The following DENND11 variants were observed in gnomAD, a reference collection of about 807,000 sequenced individuals.
DENND11 encodes the protein DENN domain containing 11.
Under a neutral mutation model 49.2 loss-of-function variants are expected in DENND11, and 34 were observed. The ratio of observed to expected loss-of-function variants is 0.69; its 90% CI spans 0.53 to 0.92. The LOEUF (loss-of-function observed/expected upper bound fraction) is 0.92, where lower values mean the gene tolerates loss of function less well. Ranked by LOEUF, DENND11 falls within the 40% of genes least tolerant of loss-of-function variation. The pLI is 0.00. For missense variants in DENND11, 475 were observed against 581.6 expected (o/e 0.82, Z 1.88); for synonymous variants, 238 against 230.3 (o/e 1.03, Z -0.30).
intron 5 of DENND11, 102 bp from the exon 6 acceptor site, chr7:141,665,420 T>C (rs1562995085): frequency 6.8e-7 from 1 of 1,481,324 alleles, no homozygotes; most frequent in East Asian, 2.4e-5. Context: ...TATCTGGTGC[T>C]TCAGGATCCA....
chr7:141,658,174 A>C lies in DENND11; in HGVS notation c.*4482T>G, dbSNP rs1162829762. On this transcript the variant is annotated 3_prime_UTR_variant, in exon 9 of 9. Transcript: ENST00000536163. ...AATTTCCTTCCATTTCAGTATATGC[A>C]TACTCAGTTCATCACATAGTAATAT... 2 of 152,240 alleles carry C rather than the reference A, an allele frequency of 1.3e-5. No individual in the cohort carries two copies. Among genetic ancestry groups the C allele is most frequent in the Non-Finnish European group, 2.9e-5 (2 of 68,042 alleles). 9.4% of individuals were successfully genotyped at this position (152,240 alleles called of 1,614,324 possible).
chr7:141,676,938 T>C (rs888629411), intron 3 of DENND11, among the ~76,000 whole-genome samples: 2 of 152,212 alleles, frequency 1.3e-5, no homozygotes, highest in African/African-American at 2.4e-5. Flanking sequence ...CATAGGCTGC[T>C]GGGCCAGAGA....
chr7:141,664,837 G>C (rs1797862593), intron 7 of DENND11, 67 bp downstream of exon 7: 5 of 1,501,754 alleles, frequency 3.3e-6, no homozygotes, highest in Non-Finnish European at 4.5e-6. Context: ...AGGCTTTGCA[G>C]AGACCCCCAT....
chr7:141,689,373 G>A (rs1365258394), intron 1 of DENND11, among the ~76,000 whole-genome samples: 1 of 152,176 alleles, frequency 6.6e-6, no homozygotes, highest in African/African-American at 2.4e-5. Flanking sequence ...AACACAGCAT[G>A]TTCTCACTCA....
intron 1 of DENND11, among the ~76,000 whole-genome samples, chr7:141,689,386 AG>A (rs1262366025): frequency 2.0e-5 from 3 of 152,190 alleles, no homozygotes; most frequent in Non-Finnish European, 4.4e-5. Flanking sequence ...CTCACTCATA[AG>A]TGGGAGCTGA....
At chr7:141,691,787 T>C (rs889556460) in intron 1 of DENND11, among the ~76,000 whole-genome samples, 11 of 152,216 alleles carry the variant, frequency 7.2e-5, no homozygotes, top group Admixed American at 5.2e-4. Context: ...TCTCTACATA[T>C]GATAATCATG....
At chr7:141,669,814 T>TAAGTGCTGTCA (rs1219258139) in intron 4 of DENND11, among the ~76,000 whole-genome samples, 1 of 143,866 alleles carries the variant, frequency 7.0e-6, no homozygotes, top group African/African-American at 2.5e-5. Flanking sequence ...ATGCTATTTT[T>TAAGTGCTGTCA]TTTTTTTTTT....
At chr7:141,681,113 C>T (rs1225609432) in intron 3 of DENND11, among the ~76,000 whole-genome samples, 1 of 152,184 alleles carries the variant, frequency 6.6e-6, no homozygotes, top group Admixed American at 6.5e-5. Context: ...AGCAAAACAT[C>T]TGCTAAAACT....
chr7:141,674,617 T>C (rs1054548347), intron 3 of DENND11, among the ~76,000 whole-genome samples: 3 of 152,214 alleles, frequency 2.0e-5, no homozygotes, highest in Non-Finnish European at 4.4e-5. Flanking sequence ...ATTCCCTGCT[T>C]AAAGCCGCTC....
At chr7:141,672,165 C>T (rs553598892) in intron 4 of DENND11, among the ~76,000 whole-genome samples, 1 of 152,296 alleles carries the variant, frequency 6.6e-6, no homozygotes, top group East Asian at 1.9e-4. Flanking sequence ...GGGACCCCTC[C>T]TGCAGGCTCC....
intron 3 of DENND11, among the ~76,000 whole-genome samples, chr7:141,675,778 T>C (rs893470871): frequency 2.8e-4 from 42 of 152,362 alleles, no homozygotes; most frequent in African/African-American, 9.6e-4. Context: ...GACAAATTTA[T>C]ATTTTAAAAA....
intron 7 of DENND11, 64 bp downstream of exon 7, chr7:141,664,840 A>T: frequency 2.0e-6 from 3 of 1,506,340 alleles, no homozygotes; most frequent in Non-Finnish European, 2.7e-6. Flanking sequence ...CTTTGCAGAG[A>T]CCCCCATGCT....
At chr7:141,693,284 T>C (rs937598249) in intron 1 of DENND11, among the ~76,000 whole-genome samples, 1 of 152,188 alleles carries the variant, frequency 6.6e-6, no homozygotes, top group Admixed American at 6.5e-5. Context: ...CATTACGCAA[T>C]TGCAAATTAA....
At chr7:141,700,783 C>T (rs1798498170) in intron 1 of DENND11, among the ~76,000 whole-genome samples, 2 of 152,068 alleles carry the variant, frequency 1.3e-5, no homozygotes, top group African/African-American at 4.8e-5. Flanking sequence ...CCAAAATTAC[C>T]GGCCTGGAAC....
Position 141,674,124 on chromosome 7 carries a change from G to C in DENND11, c.624C>G (p.Ser208Arg), listed in dbSNP as rs774417847. The change falls in exon 4 of 9, where the codon AGC (serine) becomes AGG (arginine). Residue 208 changes from serine to arginine, a missense_variant. Transcript: ENST00000536163. Reference sequence around the variant, plus strand: ...AAGGCAGCCAGTAGACAGGGGGCAGGCTGCTGCCTCTGCCGGGACCAGCAT... The same window carrying C: ...AAGGCAGCCAGTAGACAGGGGGCAGCCTGCTGCCTCTGCCGGGACCAGCAT... ...VLHAGPGRGS[S>R]LPPVYWLPSI... 5 of 1,598,320 alleles carry C rather than the reference G, an allele frequency of 3.1e-6. No individual in the cohort carries two copies. The highest frequency in any genetic ancestry group is 4.3e-6 in the Non-Finnish European group (5 of 1,172,668).
chr7:141,685,754 A>T, intron 2 of DENND11, 118 bp from the exon 3 acceptor site: 13 of 1,148,382 alleles, frequency 1.1e-5, no homozygotes, highest in Non-Finnish European at 1.6e-5. Flanking sequence ...CAGCCTCAAG[A>T]AAACAAGCGG....
At position 141,700,953 on chromosome 7, in the gene DENND11, G is replaced by A. The variant is rs1046163075; in HGVS notation, c.268+933C>T. Reference sequence around the variant, plus strand: ...CCTGGAGACATTGACAGTCACACCTGGGTTTCCTTAAGCCCTGACACCACG... The same window carrying A: ...CCTGGAGACATTGACAGTCACACCTAGGTTTCCTTAAGCCCTGACACCACG... On this transcript the variant is annotated intron_variant, in intron 1 of 8. Coordinates refer to ENST00000536163, the MANE Select transcript of DENND11 (RefSeq NM_001080392.2). 2.6e-5 allele frequency among the ~76,000 whole-genome samples: 4 copies of A among 152,030 alleles called. No individual in the cohort carries two copies. In the East Asian group the frequency reaches 7.8e-4, roughly 30 times the overall value.
At chr7:141,699,609 CCCT>C (rs1381348535) in intron 1 of DENND11, among the ~76,000 whole-genome samples, 2 of 152,174 alleles carry the variant, frequency 1.3e-5, no homozygotes, top group Non-Finnish European at 2.9e-5. Flanking sequence ...CTCTCTTCCT[CCCT>C]CCTTTCTCCT....
chr7:141,677,199 G>A (rs967595167), intron 3 of DENND11, among the ~76,000 whole-genome samples: 1 of 151,984 alleles, frequency 6.6e-6, no homozygotes, highest in Non-Finnish European at 1.5e-5. Flanking sequence ...GCTGAGGTGG[G>A]CGGATCGCTT....
Sources: allele counts gnomAD v4.1 joint callset (sites outside exome capture counted in the v4.1 genomes callset), GRCh38; gene constraint gnomAD v4.1.1; transcripts MANE v1.5; gene names NCBI Gene and HGNC (gene_info 2026-07-23, HGNC 2026-07-21).